Variants in TAX1BP1 observed in about 807,000 individuals in gnomAD.
The protein encoded by TAX1BP1 is tax1-binding protein 1.
Under a neutral mutation model 97.7 loss-of-function variants are expected in TAX1BP1, and 62 were observed. The observed-to-expected ratio is 0.63, with a 90% CI of 0.52 to 0.78. The LOEUF (loss-of-function observed/expected upper bound fraction) is 0.78. Ranked by LOEUF, TAX1BP1 falls within the 30% of genes least tolerant of loss-of-function variation. The pLI is 0.00. For synonymous variants in TAX1BP1, 340 were observed against 304.2 expected (o/e 1.12, Z -1.23); for missense variants, 867 against 916.1 (o/e 0.95, Z 0.69).
At chr7:27,763,144 T>C (rs901441648) in intron 3 of TAX1BP1, among the ~76,000 whole-genome samples, 1 of 152,234 alleles carries the variant, frequency 6.6e-6, no homozygotes, top group Non-Finnish European at 1.5e-5. Context: ...CTTTCAAGCA[T>C]AATGCAAATC....
chr7:27,793,335 C>A, intron 10 of TAX1BP1, 123 bp downstream of exon 10: 1 of 902,072 alleles, frequency 1.1e-6, no homozygotes, highest in Non-Finnish European at 1.6e-6. Flanking sequence ...GATTTCAAGT[C>A]ATTGGCCAAA....
At chr7:27,803,396 C>T (rs1361437855) in intron 13 of TAX1BP1, among the ~76,000 whole-genome samples, 1 of 152,204 alleles carries the variant, frequency 6.6e-6, no homozygotes, top group African/African-American at 2.4e-5. Flanking sequence ...CAAAACCTCA[C>T]ATTCACATAG....
chr7:27,815,774 G>A (rs1461592296), intron 13 of TAX1BP1, among the ~76,000 whole-genome samples: 1 of 152,126 alleles, frequency 6.6e-6, no homozygotes, highest in Non-Finnish European at 1.5e-5. Context: ...AGTGGCTCAT[G>A]CCTGTAATCC....
intron 15 of TAX1BP1, among the ~76,000 whole-genome samples, chr7:27,827,259 A>G (rs1791210197): frequency 1.3e-5 from 2 of 152,062 alleles, no homozygotes; most frequent in South Asian, 2.1e-4. Flanking sequence ...AGGCTGAGGC[A>G]TAAGAATTGC....
At chr7:27,813,780 T>C (rs957176290) in intron 13 of TAX1BP1, among the ~76,000 whole-genome samples, 1 of 152,234 alleles carries the variant, frequency 6.6e-6, no homozygotes, top group East Asian at 1.9e-4. Context: ...TCCAATCTGA[T>C]TCAAAGGCTT....
At chr7:27,752,549 C>T (rs889124732) in intron 2 of TAX1BP1, among the ~76,000 whole-genome samples, 2 of 152,100 alleles carry the variant, frequency 1.3e-5, no homozygotes, top group Non-Finnish European at 2.9e-5. Context: ...GTTTTGAGTA[C>T]ATTATTGAAA....
chr7:27,777,873 T>C (rs995581020), intron 5 of TAX1BP1, among the ~76,000 whole-genome samples: 5 of 152,224 alleles, frequency 3.3e-5, no homozygotes, highest in Non-Finnish European at 5.9e-5. Flanking sequence ...TGATGTCCAG[T>C]GGCTTGAGAG....
intron 15 of TAX1BP1, among the ~76,000 whole-genome samples, chr7:27,826,263 C>T (rs1791174487): frequency 6.6e-6 from 1 of 152,214 alleles, no homozygotes; most frequent in Non-Finnish European, 1.5e-5. Flanking sequence ...ATTAGGTTAT[C>T]TGTCCCGTTT....
rs76232457 is a variant in TAX1BP1, at chr7:27,745,314, G to A, written c.-7-3204G>A. On this transcript the variant is annotated intron_variant, in intron 1 of 16. Transcript: ENST00000396319. ...GCATATTATTTCTCCACTCCCGTGC[G>A]ACCTTGACATTCTCAGTGAATTCCA... Among the ~76,000 whole-genome samples, 924 of 152,298 alleles carry A rather than the reference G, an allele frequency of 6.1e-3. 7 individuals are homozygous for A. Among genetic ancestry groups the A allele is most frequent in the South Asian group, 0.01 (49 of 4,822 alleles).
At chr7:27,743,495 A>G (rs180853710) in intron 1 of TAX1BP1, among the ~76,000 whole-genome samples, 6 of 152,348 alleles carry the variant, frequency 3.9e-5, no homozygotes, top group African/African-American at 1.4e-4. Context: ...AACACTTCTA[A>G]GGGTACAAAG....
chr7:27,780,229 A>G (rs550994006), intron 5 of TAX1BP1, among the ~76,000 whole-genome samples: 3 of 152,354 alleles, frequency 2.0e-5, no homozygotes, highest in South Asian at 2.1e-4. Context: ...AAGAAAGGTC[A>G]TATCAAGAGT....
intron 2 of TAX1BP1, among the ~76,000 whole-genome samples, chr7:27,749,982 G>C (rs541011839): frequency 5.3e-5 from 8 of 151,988 alleles, no homozygotes; most frequent in South Asian, 2.1e-4. Flanking sequence ...GTAGAGACAG[G>C]GTCTCACTAT....
rs145456320 is a variant in TAX1BP1, at chr7:27,785,503, T to C, written c.852+14T>C. ...GAACTTTATAAGGTAATTTATTTTT[T>C]ACCATATCTATTGCCTGTTGCTTCA... On this transcript the variant is annotated intron_variant, in intron 7 of 16. Transcript: ENST00000396319. 3.5e-4 allele frequency: 558 copies of C among 1,591,752 alleles called. 2 individuals are homozygous for C. The highest frequency in any genetic ancestry group is 2.2e-3 in the African/African-American group (164 of 73,920).
chr7:27,800,422 A>C (rs1790088437), intron 13 of TAX1BP1, among the ~76,000 whole-genome samples: 1 of 152,092 alleles, frequency 6.6e-6, no homozygotes, highest in African/African-American at 2.4e-5. Flanking sequence ...CATATGTAAA[A>C]TTATTTTAGG....
At chr7:27,771,097 A>ATTTTTTTTTTTTTTTTTTTT (rs57751582) in intron 5 of TAX1BP1, among the ~76,000 whole-genome samples, 1 of 40,570 alleles carries the variant, frequency 2.5e-5, no homozygotes, top group Admixed American at 4.5e-4. Flanking sequence ...ACATTCAGCA[A>ATTTTTTTTTTTTTTTTTTTT]TTTTTTTTTT....
Position 27,817,003 on chromosome 7 carries a change from C to T in TAX1BP1, c.2050C>T (p.Arg684Trp), listed in dbSNP as rs1006135183. The change falls in exon 15 of 17, where the codon CGG (arginine) becomes TGG (tryptophan). Residue 684 changes from arginine (R) to tryptophan (W), a missense_variant. Arg to Trp is a moderately radical substitution (Grantham distance 101). Transcript: ENST00000396319. Reference sequence around the variant, plus strand: ...CAGCCAGCCTGCTCGAAACTTTAGTCGGCCTGATGGCTTAGAGGACTCTGA... The same window carrying T: ...CAGCCAGCCTGCTCGAAACTTTAGTTGGCCTGATGGCTTAGAGGACTCTGA... ...VCSQPARNFSRPDGLEDSEDS... is the reference protein window; with the variant it reads ...VCSQPARNFSWPDGLEDSEDS... 23 of 1,613,830 alleles carry T rather than the reference C, an allele frequency of 1.4e-5. No homozygotes were observed. Among genetic ancestry groups the T allele is most frequent in the South Asian group, 5.5e-5 (5 of 91,070 alleles).
Position 27,769,763 on chromosome 7 carries a change from C to T in TAX1BP1, c.541C>T (p.Gln181Ter). ...AAAAGAAACAGCACAACTTCGAGAA[C>T]AAGTTGGGAGAATGGAAAGAGAACT... ...LEKETAQLRE[Q>*]VGRMERELNH... The change falls in exon 5 of 17, where the codon CAA (glutamine) becomes TAA (stop). Residue 181 changes from glutamine (Q) to a stop codon, truncating the protein, a stop_gained. Coordinates refer to ENST00000396319, the MANE Select transcript of TAX1BP1 (RefSeq NM_006024.7). LOFTEE classifies it high-confidence loss of function. 6.2e-7 allele frequency: 1 copy of T among 1,612,464 alleles called. No homozygotes were observed. Among genetic ancestry groups the T allele is most frequent in the Non-Finnish European group, 8.5e-7 (1 of 1,178,936 alleles).
intron 5 of TAX1BP1, among the ~76,000 whole-genome samples, chr7:27,779,732 T>C (rs1232755126): frequency 1.3e-5 from 2 of 152,210 alleles, no homozygotes; most frequent in East Asian, 1.9e-4. Flanking sequence ...TCATAAGTCA[T>C]TGAAGTCTGG....
At chr7:27,798,430 G>A (rs1269428347) in intron 12 of TAX1BP1, among the ~76,000 whole-genome samples, 4 of 151,916 alleles carry the variant, frequency 2.6e-5, no homozygotes, top group South Asian at 2.1e-4. Context: ...TTGGGAGGCC[G>A]AGGTGGGAGC....
Sources: allele counts gnomAD v4.1 joint callset (sites outside exome capture counted in the v4.1 genomes callset), GRCh38; gene constraint gnomAD v4.1.1; transcripts MANE v1.5; gene names NCBI Gene and HGNC (gene_info 2026-07-23, HGNC 2026-07-21).